Variants in ZNF678 observed in about 807,000 individuals in gnomAD.
ZNF678 encodes hypothetical protein MGC42493.
A neutral mutation model predicts 3.0 loss-of-function variants in ZNF678; 5 were observed. The observed-to-expected ratio is 1.69, with a 90% CI of 0.88 to 3.56. The LOEUF is 3.56. ZNF678 is among the 30% of genes most tolerant of loss of function. The pLI is 0.00. For missense variants in ZNF678, 593 were observed against 605.0 expected (o/e 0.98, Z 0.21); for synonymous variants, 218 against 199.6 (o/e 1.09, Z -0.78).
rs954372612 is a variant in ZNF678, at chr1:227,637,664, C to T, written c.-163-8880C>T. ...AGCCTTTTGGAGTAGATGGAAAGGTCGGGTAATAGGCTGTGCAGGTTTTAA... is the reference window on the plus strand; with the variant it reads ...AGCCTTTTGGAGTAGATGGAAAGGTTGGGTAATAGGCTGTGCAGGTTTTAA... On this transcript the variant is annotated intron_variant, in intron 1 of 3. Transcript: ENST00000343776. Among the ~76,000 whole-genome samples, 5 of 152,108 alleles carry T rather than the reference C, an allele frequency of 3.3e-5. No individual in the cohort carries two copies. In the South Asian group the frequency reaches 8.3e-4, roughly 25 times the overall value.
chr1:227,641,877 T>C (rs1658830438), intron 1 of ZNF678, among the ~76,000 whole-genome samples: 1 of 152,198 alleles, frequency 6.6e-6, no homozygotes, highest in African/African-American at 2.4e-5. Flanking sequence ...ACAACTGGGC[T>C]CACATCTGTG....
At chr1:227,578,534 C>T (rs924790000) in intron 1 of ZNF678, among the ~76,000 whole-genome samples, 2 of 152,112 alleles carry the variant, frequency 1.3e-5, no homozygotes, top group African/African-American at 2.4e-5. Flanking sequence ...GTGTATTCTG[C>T]TATTAATACT....
intron 1 of ZNF678, among the ~76,000 whole-genome samples, chr1:227,635,511 A>T (rs1571903210): frequency 8.9e-6 from 1 of 111,910 alleles, no homozygotes; most frequent in Non-Finnish European, 2.0e-5. Flanking sequence ...TTTAGGGTGA[A>T]CATTTGTGTG....
intron 1 of ZNF678, among the ~76,000 whole-genome samples, chr1:227,610,590 C>A (rs779141169): frequency 3.9e-5 from 6 of 152,050 alleles, no homozygotes; most frequent in Non-Finnish European, 8.8e-5. Flanking sequence ...AAGGGAGGAC[C>A]CATCATTTTT....
At position 227,654,383 on chromosome 1, in the gene ZNF678, A is replaced by G; in HGVS notation, c.133A>G (p.Lys45Glu). Reference sequence around the variant, plus strand: ...AGACCTTTTGCCAGAGCAGGATATGAAAGATTTATGCCAAAAAGTGACACT... The same window carrying G: ...AGACCTTTTGCCAGAGCAGGATATGGAAGATTTATGCCAAAAAGTGACACT... The part of the protein sequence containing the change: ...IQDLLPEQDM[K>E]DLCQKVTLTR... The change falls in exon 4 of 4, where the codon AAA becomes GAA. Residue 45 changes from lysine (K) to glutamate (E), a missense_variant. Lys to Glu is a moderately conservative substitution (Grantham distance 56, BLOSUM62 1). Coordinates refer to ENST00000343776, the MANE Select transcript of ZNF678 (RefSeq NM_001367909.1). 1 of 1,600,656 alleles carries G rather than the reference A, an allele frequency of 6.2e-7. No individual in the cohort carries two copies. Among genetic ancestry groups the G allele is most frequent in the Non-Finnish European group, 8.5e-7 (1 of 1,174,648 alleles).
intron 1 of ZNF678, among the ~76,000 whole-genome samples, chr1:227,639,570 G>T (rs1432273497): frequency 6.6e-6 from 1 of 152,102 alleles, no homozygotes. Context: ...GGAGAAAAAG[G>T]GTTGGGTTTT....
intron 1 of ZNF678, among the ~76,000 whole-genome samples, chr1:227,593,525 T>A (rs1007851918): frequency 6.6e-6 from 1 of 152,124 alleles, no homozygotes; most frequent in African/African-American, 2.4e-5. Flanking sequence ...TATCGAAATC[T>A]CCCTGGATTA....
intron 1 of ZNF678, among the ~76,000 whole-genome samples, chr1:227,588,294 C>G (rs1657316621): frequency 6.6e-6 from 1 of 152,044 alleles, no homozygotes; most frequent in Admixed American, 6.6e-5. Flanking sequence ...AGTGAACATA[C>G]ATGTGCATGT....
chr1:227,663,221 G>A (rs1418750272), downstream of ZNF678, among the ~76,000 whole-genome samples: 1 of 152,218 alleles, frequency 6.6e-6, no homozygotes, highest in East Asian at 1.9e-4. Context: ...CCTTGAGTTT[G>A]TGATGCTGTA....
At chr1:227,636,011 C>T (rs1037436408) in intron 1 of ZNF678, among the ~76,000 whole-genome samples, 2 of 152,126 alleles carry the variant, frequency 1.3e-5, no homozygotes, top group Non-Finnish European at 1.5e-5. Flanking sequence ...TGGGGGTATT[C>T]TTAAGAGACG....
At chr1:227,667,131 C>T (rs142787528), downstream of ZNF678, among the ~76,000 whole-genome samples, 122 of 151,934 alleles carry the variant, frequency 8.0e-4, no homozygotes, top group East Asian at 0.019. Context: ...GCAGCCTCGA[C>T]CTCCTGGGGT....
At chr1:227,591,048 T>C (rs930563744) in intron 1 of ZNF678, among the ~76,000 whole-genome samples, 1 of 151,768 alleles carries the variant, frequency 6.6e-6, no homozygotes, top group South Asian at 2.1e-4. Flanking sequence ...ATACATAACA[T>C]GAAGTGACAT....
intron 5 of ZNF678, among the ~76,000 whole-genome samples, chr1:227,671,099 C>T (rs1189968673): frequency 1.6e-5 from 2 of 121,588 alleles, no homozygotes; most frequent in Non-Finnish European, 3.2e-5. Context: ...TTTCTTAAGA[C>T]AGGATCTCAC....
chr1:227,675,694 A>G (rs1208796928), intron 5 of ZNF678, among the ~76,000 whole-genome samples: 1 of 152,072 alleles, frequency 6.6e-6, no homozygotes, highest in African/African-American at 2.4e-5. Context: ...TTCTGGCAAC[A>G]TGGTACACAC....
At chr1:227,564,970 G>A (rs941628515) in intron 1 of ZNF678, among the ~76,000 whole-genome samples, 17 of 151,238 alleles carry the variant, frequency 1.1e-4, no homozygotes, top group African/African-American at 3.9e-4. Flanking sequence ...TCCTGACCTC[G>A]TGATCCCCCG....
At chr1:227,625,010 G>C (rs1249687120) in intron 1 of ZNF678, among the ~76,000 whole-genome samples, 1 of 152,188 alleles carries the variant, frequency 6.6e-6, no homozygotes, top group Non-Finnish European at 1.5e-5. Flanking sequence ...GGACCCAAAG[G>C]GGGTTGCCAC....
Position 227,654,684 on chromosome 1 carries a change from G to T in ZNF678, c.434G>T (p.Arg145Ile), listed in dbSNP as rs150519821. The change falls in exon 4 of 4, where the codon AGA becomes ATA. Residue 145 changes from arginine to isoleucine, a missense_variant. Transcript: ENST00000343776. ...TGTTCAAACCTAACAAAACATAAAA[G>T]AATTCATACTGGAGAGAAACCCTAC... ...NRCSNLTKHK[R>I]IHTGEKPYKC... The T allele has an allele frequency of 4.0e-5, 64 of 1,613,170 alleles. No homozygotes were observed. In the Admixed American group the frequency reaches 5.2e-4, roughly 13 times the overall value.
chr1:227,618,719 T>C (rs1658201066), intron 1 of ZNF678, among the ~76,000 whole-genome samples: 1 of 152,144 alleles, frequency 6.6e-6, no homozygotes, highest in Non-Finnish European at 1.5e-5. Flanking sequence ...GTTTTTTGTT[T>C]TTGTTGTTTT....
At chr1:227,662,653 A>G (rs1202153766), downstream of ZNF678, among the ~76,000 whole-genome samples, 1 of 152,168 alleles carries the variant, frequency 6.6e-6, no homozygotes, top group Admixed American at 6.5e-5. Flanking sequence ...CTGGAAATGC[A>G]AGGAATTACA....
Sources: gnomAD v4.1 joint callset for allele counts (sites outside exome capture counted in the v4.1 genomes callset) on GRCh38, gnomAD v4.1.1 for gene constraint, MANE v1.5 for transcripts, NCBI Gene and HGNC (gene_info 2026-07-23, HGNC 2026-07-21) for gene names.